Variants in SDHC observed in about 807,000 individuals in gnomAD.
The protein encoded by SDHC is succinate dehydrogenase cytochrome b560 subunit, mitochondrial.
In SDHC, 11 loss-of-function variants were observed where a neutral mutation model predicts 22.6. That is an observed-to-expected ratio of 0.49 (90% confidence interval 0.31 to 0.81). SDHC has a LOEUF of 0.81. Among genes scored for constraint, SDHC ranks in the 30% least tolerant of loss-of-function variants. The pLI is 0.05. For synonymous variants in SDHC, 80 were observed against 77.8 expected, an observed-to-expected ratio of 1.03 and a Z score of -0.15; for missense variants, 160 against 212.0, an observed-to-expected ratio of 0.75 and a Z score of 1.52.
rs532317918 is a variant in SDHC at position 161,339,662 on chromosome 1, GTTTTTTTTTTTTTT to G, written c.180-917_180-904del. 67 of 51,700 alleles carry G rather than the reference GTTTTTTTTTTTTTT, an allele frequency of 1.3e-3. 1 individual carries two copies. The highest frequency in any genetic ancestry group is 0.017 in the Middle Eastern group (2 of 118). The allele number at this position is 51,700 out of a possible 1,614,324, so 3.2% of individuals were successfully genotyped here. A position where few individuals can be genotyped will look rare whatever the true frequency, so the allele number is the denominator to read the frequency against. The stretch of plus-strand genomic sequence containing the variant: ...TTTGTAACCTAATCCTGATACAGGT[GTTTTTTTTTTTTTT>G]TTTTTTTTTTTTTTGGAGACAGAGT... On this transcript the variant is annotated intron_variant, in intron 3 of 5. Transcript: ENST00000367975.
chr1:161,347,990 G>A (rs1671959866), intron 4 of SDHC, among the ~76,000 whole-genome samples: 1 of 152,146 alleles, frequency 6.6e-6, no homozygotes. Context: ...AAGTTCATGT[G>A]CTCTTTTGTT....
At chr1:161,331,054 T>A (rs979619922) in intron 3 of SDHC, among the ~76,000 whole-genome samples, 1 of 151,626 alleles carries the variant, frequency 6.6e-6, no homozygotes, top group African/African-American at 2.4e-5. Flanking sequence ...CATGGGAATT[T>A]GCTCCATTAG....
At chr1:161,337,522 C>A (rs1024096273) in intron 3 of SDHC, among the ~76,000 whole-genome samples, 1 of 152,252 alleles carries the variant, frequency 6.6e-6, no homozygotes, top group East Asian at 1.9e-4. Context: ...TGCCCAGGTT[C>A]AAGGGTAGAG....
chr1:161,362,223 C>A (rs2102384152), intron 5 of SDHC, 106 bp from the exon 6 acceptor site: 1 of 1,353,016 alleles, frequency 7.4e-7, no homozygotes, highest in East Asian at 2.5e-5. Flanking sequence ...TAGAATCATG[C>A]TGAGAGGAGA....
chr1:161,330,996 CAAAAA>C (rs61295520), intron 3 of SDHC, among the ~76,000 whole-genome samples: 3 of 102,244 alleles, frequency 2.9e-5, no homozygotes, highest in African/African-American at 3.1e-5. Flanking sequence ...GCTCTGTTTC[CAAAAA>C]AAAAAAAAAA....
At chr1:161,317,850 C>G (rs995158350) in intron 1 of SDHC, among the ~76,000 whole-genome samples, 3 of 151,532 alleles carry the variant, frequency 2.0e-5, no homozygotes, top group African/African-American at 7.3e-5. Context: ...GCCACCACGC[C>G]GGGCCAATGT....
At chr1:161,316,343 T>G (rs1670616168) in intron 1 of SDHC, among the ~76,000 whole-genome samples, 1 of 152,258 alleles carries the variant, frequency 6.6e-6, no homozygotes, top group African/African-American at 2.4e-5. Flanking sequence ...CGGAGGTCCT[T>G]GCGGCCTACC....
chr1:161,337,106 C>T (rs1671523153), intron 3 of SDHC, among the ~76,000 whole-genome samples: 1 of 149,016 alleles, frequency 6.7e-6, no homozygotes, highest in Non-Finnish European at 1.5e-5. Context: ...GTCTCAAACT[C>T]CTGAGCTCAG....
chr1:161,327,958 C>T (rs1156929401), intron 2 of SDHC, among the ~76,000 whole-genome samples: 1 of 151,414 alleles, frequency 6.6e-6, no homozygotes, highest in African/African-American at 2.4e-5. Flanking sequence ...CTCTGGCTCT[C>T]CTAGGCTCCT....
At chr1:161,316,163 C>T (rs1670606484) in intron 1 of SDHC, among the ~76,000 whole-genome samples, 1 of 152,038 alleles carries the variant, frequency 6.6e-6, no homozygotes, top group Non-Finnish European at 1.5e-5. Flanking sequence ...AGACAGATGC[C>T]TTCCTCTTGT....
At chr1:161,359,939 C>T (rs946709381) in intron 5 of SDHC, among the ~76,000 whole-genome samples, 37 of 152,118 alleles carry the variant, frequency 2.4e-4, no homozygotes, top group Non-Finnish European at 8.8e-5. Flanking sequence ...CTTATTTAAG[C>T]AAAACAACTC....
chr1:161,348,708 C>T (rs1671993923), intron 4 of SDHC, among the ~76,000 whole-genome samples: 1 of 146,604 alleles, frequency 6.8e-6, no homozygotes, highest in South Asian at 2.2e-4. Flanking sequence ...GTGGGTGGCG[C>T]ATGGCTATAA....
intron 3 of SDHC, among the ~76,000 whole-genome samples, chr1:161,333,401 CT>C (rs71581410): frequency 0.016 from 2,096 of 130,386 alleles, 42 homozygotes; most frequent in African/African-American, 0.046. Context: ...CTATGTTTAA[CT>C]TTTTTTTTTT....
chr1:161,336,140 G>A (rs976009017), intron 3 of SDHC, among the ~76,000 whole-genome samples: 7 of 152,190 alleles, frequency 4.6e-5, no homozygotes, highest in South Asian at 2.1e-4. Context: ...CTTCTCAATC[G>A]TGAAACTTTC....
chr1:161,345,337 T>C (rs915205744), intron 4 of SDHC, among the ~76,000 whole-genome samples: 9 of 152,248 alleles, frequency 5.9e-5, no homozygotes, highest in Non-Finnish European at 1.3e-4. Flanking sequence ...GCACTTTGCT[T>C]ACCACCATAT....
intron 2 of SDHC, among the ~76,000 whole-genome samples, chr1:161,325,815 T>G (rs548845842): frequency 1.5e-4 from 23 of 152,304 alleles, no homozygotes; most frequent in African/African-American, 5.5e-4. Context: ...GCATAATCTA[T>G]TTATGTGAAT....
intron 1 of SDHC, among the ~76,000 whole-genome samples, chr1:161,318,266 C>T (rs367831345): frequency 7.2e-5 from 11 of 152,196 alleles, no homozygotes; most frequent in Middle Eastern, 6.8e-3. Context: ...CAACTTCTTC[C>T]CCTTCCCCCT....
At chr1:161,362,131 T>C (rs1173650853) in intron 5 of SDHC, among the ~76,000 whole-genome samples, 198 bp from the exon 6 acceptor site, 1 of 152,114 alleles carries the variant, frequency 6.6e-6, no homozygotes. Flanking sequence ...TTTTCTGTCA[T>C]TGGAATAAGT....
At chr1:161,348,811 C>T (rs1231226741) in intron 4 of SDHC, among the ~76,000 whole-genome samples, 1 of 151,740 alleles carries the variant, frequency 6.6e-6, no homozygotes, top group Non-Finnish European at 1.5e-5. Context: ...GCACTCCAGC[C>T]TGGGTGACAG....
Sources: allele counts gnomAD v4.1 joint callset (sites outside exome capture counted in the v4.1 genomes callset), GRCh38; gene constraint gnomAD v4.1.1; transcripts MANE v1.5; gene names NCBI Gene and HGNC (gene_info 2026-07-23, HGNC 2026-07-21).